Variants in KIRREL3 observed in about 807,000 individuals in gnomAD.
KIRREL3 encodes kirre like nephrin family adhesion molecule 3.
In KIRREL3, 36 loss-of-function variants were observed where a neutral mutation model predicts 89.7. The observed-to-expected ratio is 0.40, with a 90% CI of 0.31 to 0.53. KIRREL3 has a LOEUF of 0.53. Ranked by LOEUF, KIRREL3 falls within the 20% of genes least tolerant of loss-of-function variation. KIRREL3 has a pLI of 0.49. For missense variants in KIRREL3, 864 were observed against 1,056.6 expected, an observed-to-expected ratio of 0.82 and a Z score of 2.53; for synonymous variants, 445 against 441.4, an observed-to-expected ratio of 1.01 and a Z score of -0.10.
chr11:126,815,580 C>A (rs765651622), intron 1 of KIRREL3, among the ~76,000 whole-genome samples: 7 of 152,152 alleles, frequency 4.6e-5, no homozygotes, highest in Non-Finnish European at 7.4e-5. Flanking sequence ...GTCGCCCAGG[C>A]TGGAGTGCAG....
At chr11:126,577,551 A>C (rs1941317845) in intron 1 of KIRREL3, among the ~76,000 whole-genome samples, 1 of 146,540 alleles carries the variant, frequency 6.8e-6, no homozygotes, top group South Asian at 2.2e-4. Flanking sequence ...GATCGAGACC[A>C]GCCTGGCCAA....
chr11:126,968,504 GTCTGGGTCATTCATTGCTGCCA>G (rs1176139475), intron 1 of KIRREL3, among the ~76,000 whole-genome samples: 1 of 152,184 alleles, frequency 6.6e-6, no homozygotes, highest in Admixed American at 6.5e-5. Flanking sequence ...GGATGAAGCT[GTCTGGGTCATTCATTGCTGCCA>G]TCAAAGGCTC....
chr11:126,980,145 G>A lies in KIRREL3; in HGVS notation c.55+20310C>T, dbSNP rs551029311. Among the ~76,000 whole-genome samples the A allele has an allele frequency of 2.6e-5, 4 of 152,276 alleles. No individual in the cohort carries two copies. In the East Asian group the frequency reaches 5.8e-4, roughly 22 times the overall value. On this transcript the variant is annotated intron_variant, in intron 1 of 16. Transcript: ENST00000525144. ...TTTGAGCCAAGCCTTGAAATATGAA[G>A]CGTATTTCAGTAAATGATGAGGAAA...
Position 126,682,863 on chromosome 11 carries a change from G to A in KIRREL3, c.56-119951C>T, listed in dbSNP as rs1021355075. Among the ~76,000 whole-genome samples the A allele has an allele frequency of 2.0e-5, 3 of 152,200 alleles. No individual in the cohort carries two copies. The highest frequency in any genetic ancestry group is 2.1e-4 in the South Asian group (1 of 4,814). On this transcript the variant is annotated intron_variant, in intron 1 of 16. Transcript: ENST00000525144. This position sits in a 1 kb window ranked among gnomAD's most constrained non-coding sequence, Gnocchi z 4.8. ...CTAACAGGCTGAGGACCGGTACCCC[G>A]GGGCTGGGGATCCCTGTTCTATGAG...
chr11:126,840,651 A>G (rs1003980351), intron 1 of KIRREL3, among the ~76,000 whole-genome samples: 1 of 152,212 alleles, frequency 6.6e-6, no homozygotes, highest in East Asian at 1.9e-4. Flanking sequence ...CATTCTGGGT[A>G]GCGTGATAAA....
At position 126,476,417 on chromosome 11, in the gene KIRREL3, CT is replaced by C. The variant is rs1309272025; in HGVS notation, c.434-2952del. 1.3e-5 allele frequency among the ~76,000 whole-genome samples: 2 copies of C among 152,154 alleles called. No individual in the cohort carries two copies. Among genetic ancestry groups the C allele is most frequent in the Non-Finnish European group, 2.9e-5 (2 of 68,034 alleles). On this transcript the variant is annotated intron_variant, in intron 4 of 16. Transcript: ENST00000525144. The surrounding 1 kb of genome is among the most constrained non-coding windows in gnomAD (Gnocchi z 6.4). The stretch of plus-strand genomic sequence containing the variant: ...GAATCCAAGACCCAGAGGACGGGCC[CT>C]TCCTCCTTGTGGCTGGAGTGTTGTG...
intron 1 of KIRREL3, among the ~76,000 whole-genome samples, chr11:126,679,075 C>T (rs1255832118): frequency 6.6e-6 from 1 of 152,182 alleles, no homozygotes; most frequent in African/African-American, 2.4e-5. Context: ...TGGCAAGTCA[C>T]ATTATGAGAA....
intron 1 of KIRREL3, among the ~76,000 whole-genome samples, chr11:126,899,008 T>C (rs948977120): frequency 1.2e-5 from 1 of 84,634 alleles, no homozygotes; most frequent in South Asian, 4.3e-4. Context: ...GCAGGGGAGT[T>C]TGGGGGGGGT....
intron 1 of KIRREL3, among the ~76,000 whole-genome samples, chr11:126,714,358 C>A (rs542334228): frequency 6.6e-6 from 1 of 152,216 alleles, no homozygotes; most frequent in East Asian, 1.9e-4. Flanking sequence ...TGGCCCAGGC[C>A]GAGCCCTGAT....
At chr11:126,950,292 G>A (rs1948739849) in intron 1 of KIRREL3, among the ~76,000 whole-genome samples, 1 of 152,172 alleles carries the variant, frequency 6.6e-6, no homozygotes, top group African/African-American at 2.4e-5. Context: ...ACTTGAACCT[G>A]GGAGACGGAG....
chr11:126,749,375 T>C (rs1208482493), intron 1 of KIRREL3, among the ~76,000 whole-genome samples: 1 of 152,190 alleles, frequency 6.6e-6, no homozygotes, highest in Admixed American at 6.5e-5. Context: ...ACACCTTTTC[T>C]AAATTGCTCC....
chr11:126,758,975 A>G (rs968538474), intron 1 of KIRREL3, among the ~76,000 whole-genome samples: 1 of 152,202 alleles, frequency 6.6e-6, no homozygotes, highest in Non-Finnish European at 1.5e-5. Flanking sequence ...TTCTTTGATT[A>G]TATTTCCTTT....
rs1939133556 is a variant in KIRREL3, at chr11:126,550,032, C to T, written c.133+12803G>A. ...TCTCTGTTTCCAATAGCTACTTATTCATACCCGGTTACCGCAACTGCGACA... is the reference window on the plus strand; with the variant it reads ...TCTCTGTTTCCAATAGCTACTTATTTATACCCGGTTACCGCAACTGCGACA... On this transcript the variant is annotated intron_variant, in intron 2 of 16. Coordinates refer to ENST00000525144, the MANE Select transcript of KIRREL3 (RefSeq NM_032531.4). The surrounding 1 kb of genome is among the most constrained non-coding windows in gnomAD (Gnocchi z 4.9). 6.6e-6 allele frequency: 1 copy of T among 152,220 alleles called. No homozygotes were observed. Among genetic ancestry groups the T allele is most frequent in the African/African-American group, 2.4e-5 (1 of 41,442 alleles). The allele number at this position is 152,220 out of a possible 1,614,324, so 9.4% of individuals were successfully genotyped here.
At chr11:126,502,137 C>T (rs1957885306) in intron 4 of KIRREL3, among the ~76,000 whole-genome samples, 1 of 152,216 alleles carries the variant, frequency 6.6e-6, no homozygotes. Flanking sequence ...CATGTGCCTG[C>T]CCTGGCCTCC....
chr11:126,808,414 A>T lies in KIRREL3; in HGVS notation c.55+192041T>A, dbSNP rs551865323. Among the ~76,000 whole-genome samples, 140 of 152,234 alleles carry T rather than the reference A, an allele frequency of 9.2e-4. 1 individual carries two copies. Among genetic ancestry groups the T allele is most frequent in the African/African-American group, 3.1e-3 (130 of 41,526 alleles). The stretch of plus-strand genomic sequence containing the variant: ...CCCCTCCCCTGCCCAATGTGGTGGG[A>T]GGGCTCTGCTAAGATGTAGAGCAGT... On this transcript the variant is annotated intron_variant, in intron 1 of 16. Coordinates refer to ENST00000525144, the MANE Select transcript of KIRREL3 (RefSeq NM_032531.4). This position sits in a 1 kb window ranked among gnomAD's most constrained non-coding sequence, Gnocchi z 4.1.
At chr11:126,733,091 T>G (rs193095353) in intron 1 of KIRREL3, among the ~76,000 whole-genome samples, 1 of 152,226 alleles carries the variant, frequency 6.6e-6, no homozygotes, top group Non-Finnish European at 1.5e-5. Flanking sequence ...AGTGCAACCC[T>G]CCAATTCAAA....
rs1254120515 is a variant in KIRREL3, at chr11:126,451,286, GTGTGTGCATGTGTGCA to G, written c.849-2145_849-2130del. ...CTTGTGTGTCCGTGTGCATGTGTGC[GTGTGTGCATGTGTGCA>G]TGTGTGTGCATGTGGTTGTGTGCAT... On this transcript the variant is annotated intron_variant, in intron 7 of 16. Transcript: ENST00000525144. Among the ~76,000 whole-genome samples the G allele has an allele frequency of 5.6e-4, 81 of 145,066 alleles. 1 individual carries two copies. Among genetic ancestry groups the G allele is most frequent in the Admixed American group, 2.1e-3 (30 of 14,588 alleles).
Position 126,903,362 on chromosome 11 carries a change from A to G in KIRREL3, c.55+97093T>C, listed in dbSNP as rs761304393. On this transcript the variant is annotated intron_variant, in intron 1 of 16. Transcript: ENST00000525144. This position sits in a 1 kb window ranked among gnomAD's most constrained non-coding sequence, Gnocchi z 4.5. Reference sequence around the variant, plus strand: ...TCATAGTTGCACAATTATTAAAAAGAGGCCACTTAAATTCAACTCTCCATG... The same window carrying G: ...TCATAGTTGCACAATTATTAAAAAGGGGCCACTTAAATTCAACTCTCCATG... 5.9e-5 allele frequency among the ~76,000 whole-genome samples: 9 copies of G among 152,172 alleles called. No individual in the cohort carries two copies. Among genetic ancestry groups the G allele is most frequent in the Non-Finnish European group, 1.3e-4 (9 of 68,034 alleles).
At chr11:126,760,850 T>C (rs986968940) in intron 1 of KIRREL3, among the ~76,000 whole-genome samples, 18 of 152,232 alleles carry the variant, frequency 1.2e-4, no homozygotes, top group African/African-American at 4.3e-4. Flanking sequence ...TTAAGGATTC[T>C]GTGAAACAGC....
Sources: allele counts gnomAD v4.1 joint callset (sites outside exome capture counted in the v4.1 genomes callset), GRCh38; gene constraint gnomAD v4.1.1; non-coding constraint Gnocchi (gnomAD v3.1); transcripts MANE v1.5; gene names NCBI Gene and HGNC (gene_info 2026-07-23, HGNC 2026-07-21).